The following NABP1 variants were observed in gnomAD, a reference collection of about 807,000 sequenced individuals.
NABP1 encodes the protein SOSS complex subunit B2.
In NABP1, 18 loss-of-function variants were observed where a neutral mutation model predicts 25.0. The observed-to-expected ratio is 0.72, with a 90% confidence interval of 0.50 to 1.07. The LOEUF is 1.07. NABP1 is among the 50% of genes least tolerant of loss of function. The probability of loss-of-function intolerance (pLI) is 0.00; values close to 1 mark genes in which losing one functional copy is unlikely to be tolerated. For synonymous variants in NABP1, 71 were observed against 85.0 expected, an observed-to-expected ratio of 0.84 and a Z score of 0.91; for missense variants, 270 against 255.6, an observed-to-expected ratio of 1.06 and a Z score of -0.39.
rs1002693482 is a variant in NABP1, at chr2:191,686,009, G to T, written c.*241G>T. 32 of 388,624 alleles carry T rather than the reference G, an allele frequency of 8.2e-5. No homozygotes were observed. Among genetic ancestry groups the T allele is most frequent in the African/African-American group, 5.9e-4 (28 of 47,314 alleles). 24.1% of individuals were successfully genotyped at this position (388,624 alleles called of 1,614,324 possible). On this transcript the variant is annotated 3_prime_UTR_variant, in exon 6 of 6. Coordinates refer to ENST00000425611, the MANE Select transcript of NABP1 (RefSeq NM_001031716.5). ...TTATTTTTAGAGTAAAAAGATTATT[G>T]GATAGCCTTTAAAAAACCTGCACCC...
At chr2:191,679,355 G>A (rs777776641) in intron 2 of NABP1, among the ~76,000 whole-genome samples, 24 of 152,108 alleles carry the variant, frequency 1.6e-4, no homozygotes, top group Admixed American at 1.4e-3. Flanking sequence ...CCTCTACCCC[G>A]GTTTACAGGT....
In NABP1 at chr2:191,681,883, A is replaced by T. The variant is rs186160253; in HGVS notation, c.231-63A>T. The T allele has an allele frequency of 1.9e-3, 2,084 of 1,125,166 alleles. 5 individuals carry two copies. The highest frequency in any genetic ancestry group is 2.2e-3 in the Middle Eastern group (7 of 3,210). 69.7% of individuals were successfully genotyped at this position (1,125,166 alleles called of 1,614,324 possible). ...CAAAAAATATATAGTGTGAAGATTT[A>T]CTTGATTTAAATAGAAGAAAATAAA... On this transcript the variant is annotated intron_variant, in intron 2 of 5. Transcript: ENST00000425611.
rs563923388 is a variant in NABP1 at position 191,686,658 on chromosome 2, A to G, written c.*890A>G. The G allele has an allele frequency of 5.3e-5, 8 of 152,298 alleles. No homozygotes were observed. The highest frequency in any genetic ancestry group is 1.9e-4 in the African/African-American group (8 of 41,574). The allele number at this position is 152,298 out of a possible 1,614,324, so 9.4% of individuals were successfully genotyped here. A position where few individuals can be genotyped will look rare whatever the true frequency, so the allele number is the denominator to read the frequency against. The stretch of plus-strand genomic sequence containing the variant: ...CTGAAGTCCTAGTTACTTAATAGGT[A>G]CTCAGCCTGGAGTGAAAATCCTGGG... On this transcript the variant is annotated 3_prime_UTR_variant, in exon 6 of 6. Transcript: ENST00000425611.
In NABP1 at chr2:191,678,412, T is replaced by G; in HGVS notation, c.-203T>G. The G allele has an allele frequency of 3.4e-6, 1 of 294,330 alleles. No homozygotes were observed. The highest frequency in any genetic ancestry group is 1.5e-4 in the South Asian group (1 of 6,600). The allele number at this position is 294,330 out of a possible 1,614,324, so 18.2% of individuals were successfully genotyped here. On this transcript the variant is annotated 5_prime_UTR_variant, in exon 1 of 6. Coordinates refer to ENST00000425611, the MANE Select transcript of NABP1 (RefSeq NM_001031716.5). The stretch of plus-strand genomic sequence containing the variant: ...TTTAGAACTTGTGAGCCTTTTTTTT[T>G]TTTTTTTTTTTTTTTCTTTTTTTAG...
intron 5 of NABP1, among the ~76,000 whole-genome samples, chr2:191,684,502 C>T (rs1442996396): frequency 6.6e-6 from 1 of 151,678 alleles, no homozygotes; most frequent in Admixed American, 6.6e-5. Flanking sequence ...TTGTGATGTC[C>T]GTGAAGAGAT....
chr2:191,683,919 T>G lies in NABP1; in HGVS notation c.378+115T>G. Reference sequence around the variant, plus strand: ...AGAAGATAATTTTTAAAAGGATACTTAATTTTTATTGTATGTTTTGTGAGG... The same window carrying G: ...AGAAGATAATTTTTAAAAGGATACTGAATTTTTATTGTATGTTTTGTGAGG... On this transcript the variant is annotated intron_variant, in intron 4 of 5. Coordinates refer to ENST00000425611, the MANE Select transcript of NABP1 (RefSeq NM_001031716.5). This position sits in a 1 kb window ranked among gnomAD's most constrained non-coding sequence, Gnocchi z 4.1. 2.4e-6 allele frequency: 2 copies of G among 828,070 alleles called. No individual in the cohort carries two copies. Among genetic ancestry groups the G allele is most frequent in the South Asian group, 3.3e-5 (2 of 60,754 alleles). The allele number at this position is 828,070 out of a possible 1,614,324, so 51.3% of individuals were successfully genotyped here. A position where few individuals can be genotyped will look rare whatever the true frequency, so the allele number is the denominator to read the frequency against.
In NABP1 at chr2:191,683,905, T is replaced by C; in HGVS notation, c.378+101T>C. On this transcript the variant is annotated intron_variant, in intron 4 of 5. Coordinates refer to ENST00000425611, the MANE Select transcript of NABP1 (RefSeq NM_001031716.5). This position sits in a 1 kb window ranked among gnomAD's most constrained non-coding sequence, Gnocchi z 4.1. ...GATACTTAGTATAAAGAAGATAATT[T>C]TTAAAAGGATACTTAATTTTTATTG... 1 of 902,402 alleles carries C rather than the reference T, an allele frequency of 1.1e-6. No individual in the cohort carries two copies. The highest frequency in any genetic ancestry group is 1.6e-5 in the South Asian group (1 of 63,996). The allele number at this position is 902,402 out of a possible 1,614,324, so 55.9% of individuals were successfully genotyped here. A position where few individuals can be genotyped will look rare whatever the true frequency, so the allele number is the denominator to read the frequency against.
rs757330956 is a variant in NABP1, at chr2:191,682,529, A to G, written c.302+512A>G. The stretch of plus-strand genomic sequence containing the variant: ...GCAGGCAGCCGCAATGCGAGATTCC[A>G]TACACTACTACCCTGGTAATGATCT... On this transcript the variant is annotated intron_variant, in intron 3 of 5. Coordinates refer to ENST00000425611, the MANE Select transcript of NABP1 (RefSeq NM_001031716.5). 6 of 471,006 alleles carry G rather than the reference A, an allele frequency of 1.3e-5. No homozygotes were observed. In the East Asian group the frequency reaches 2.8e-4, roughly 22 times the overall value. 29.2% of individuals were successfully genotyped at this position (471,006 alleles called of 1,614,324 possible).
rs190262813 is a variant in NABP1 at position 191,686,769 on chromosome 2, A to G, written c.*1001A>G. 2.6e-5 allele frequency: 4 copies of G among 152,730 alleles called. No individual in the cohort carries two copies. Among genetic ancestry groups the G allele is most frequent in the African/African-American group, 9.6e-5 (4 of 41,584 alleles). 9.5% of individuals were successfully genotyped at this position (152,730 alleles called of 1,614,324 possible). A position where few individuals can be genotyped will look rare whatever the true frequency, so the allele number is the denominator to read the frequency against. On this transcript the variant is annotated 3_prime_UTR_variant, in exon 6 of 6. Transcript: ENST00000425611. ...GCCTTATTAGCAAAAGTTTTAAGAA[A>G]TGGCTCTATCAAAGAAGCAATTGCA...
chr2:191,679,517 C>T (rs1687613685), intron 2 of NABP1, among the ~76,000 whole-genome samples: 1 of 152,216 alleles, frequency 6.6e-6, no homozygotes, highest in Admixed American at 6.5e-5. Flanking sequence ...GCTGGGACTA[C>T]AGGCGTGTGC....
At chr2:191,680,544 G>C (rs983817614) in intron 2 of NABP1, among the ~76,000 whole-genome samples, 4 of 152,214 alleles carry the variant, frequency 2.6e-5, no homozygotes, top group African/African-American at 7.2e-5. Context: ...TGGAGTTTTT[G>C]GCTCCCCAAA....
intron 3 of NABP1, chr2:191,682,238 A>G: frequency 2.4e-6 from 1 of 422,434 alleles, no homozygotes; most frequent in South Asian, 3.2e-5. Context: ...AAAGAGCAGT[A>G]GAAGAAGCTG....
chr2:191,685,833 T>C lies in NABP1; in HGVS notation c.*65T>C. 2 of 1,441,676 alleles carry C rather than the reference T, an allele frequency of 1.4e-6. No homozygotes were observed. The highest frequency in any genetic ancestry group is 1.2e-5 in the South Asian group (1 of 80,812). 89.3% of individuals were successfully genotyped at this position (1,441,676 alleles called of 1,614,324 possible). ...CCCTACTTGAACACTTATTGCACTT[T>C]TATTTATTGTTAACTGTGAAAAGTA... On this transcript the variant is annotated 3_prime_UTR_variant, in exon 6 of 6. Transcript: ENST00000425611.
intron 2 of NABP1, 100 bp downstream of exon 2, chr2:191,679,228 T>A (rs1687600324): frequency 1.4e-6 from 2 of 1,440,748 alleles, no homozygotes. Context: ...GCCTTTTCTG[T>A]GGGCCACTCT....
intron 2 of NABP1, among the ~76,000 whole-genome samples, chr2:191,680,835 A>G (rs1687667545): frequency 1.3e-5 from 2 of 152,184 alleles, no homozygotes; most frequent in African/African-American, 4.8e-5. Flanking sequence ...TGAAATGGGA[A>G]TAATTATACC....
chr2:191,682,779 T>C (rs1687723202), intron 3 of NABP1: 1 of 237,698 alleles, frequency 4.2e-6, no homozygotes, highest in Non-Finnish European at 8.7e-6. Flanking sequence ...AGGAAAACTG[T>C]TTGCCACTGA....
chr2:191,678,804 C>G (rs1402352089), intron 1 of NABP1, 99 bp downstream of exon 1: 1 of 1,181,526 alleles, frequency 8.5e-7, no homozygotes, highest in East Asian at 2.4e-5. Context: ...CCTCCTCCTC[C>G]CTCCCCTCCC....
At position 191,685,579 on chromosome 2, in the gene NABP1, A is replaced by G. The variant is rs1162131700; in HGVS notation, c.446-20A>G. Reference sequence around the variant, plus strand: ...AGACTACCTCTGAAAATAGTGATGAATTTTTGTATTCTTTTTTAGGAAATG... The same window carrying G: ...AGACTACCTCTGAAAATAGTGATGAGTTTTTGTATTCTTTTTTAGGAAATG... On this transcript the variant is annotated intron_variant, in intron 5 of 5. Coordinates refer to ENST00000425611, the MANE Select transcript of NABP1 (RefSeq NM_001031716.5). 2.5e-6 allele frequency: 4 copies of G among 1,591,352 alleles called. No homozygotes were observed. Among genetic ancestry groups the G allele is most frequent in the Non-Finnish European group, 1.7e-6 (2 of 1,166,912 alleles).
intron 3 of NABP1, chr2:191,682,999 T>C (rs1015896245): frequency 1.2e-5 from 2 of 163,460 alleles, no homozygotes; most frequent in Non-Finnish European, 2.7e-5. Flanking sequence ...CTGACCTTCA[T>C]GTATTCATAC....
Sources: allele counts gnomAD v4.1 joint callset (sites outside exome capture counted in the v4.1 genomes callset), GRCh38; gene constraint gnomAD v4.1.1; non-coding constraint Gnocchi (gnomAD v3.1); transcripts MANE v1.5; gene names NCBI Gene and HGNC (gene_info 2026-07-23, HGNC 2026-07-21).